CGNL1: variants seen among roughly 807,000 people sequenced by gnomAD.
CGNL1 encodes the protein cingulin like 1.
A neutral mutation model predicts 141.2 loss-of-function variants in CGNL1; 132 were observed. The observed-to-expected ratio is 0.93, with a 90% confidence interval of 0.81 to 1.08. CGNL1 has a LOEUF of 1.08. Ranked by LOEUF, CGNL1 falls within the 50% of genes least tolerant of loss-of-function variation. The pLI is 0.00. For synonymous variants in CGNL1, 690 were observed against 622.1 expected (o/e 1.11, Z -1.63); for missense variants, 1,870 against 1,588.6 (o/e 1.18, Z -3.01).
chr15:57,503,421 G>C (rs2064055403), intron 8 of CGNL1, among the ~76,000 whole-genome samples: 1 of 152,206 alleles, frequency 6.6e-6, no homozygotes, highest in African/African-American at 2.4e-5. Context: ...AGGTGACCTG[G>C]CTAGGGGTGG....
chr15:57,483,756 AT>A (rs1176144153), intron 8 of CGNL1, among the ~76,000 whole-genome samples: 1 of 152,136 alleles, frequency 6.6e-6, no homozygotes, highest in Non-Finnish European at 1.5e-5. Flanking sequence ...TCTTTTGTGA[AT>A]TGGATGCTCT....
At chr15:57,397,509 T>A (rs766128305) in intron 1 of CGNL1, among the ~76,000 whole-genome samples, 1 of 152,146 alleles carries the variant, frequency 6.6e-6, no homozygotes, top group Non-Finnish European at 1.5e-5. Flanking sequence ...TTGATGTACA[T>A]TTTGTAAATT....
intron 1 of CGNL1, among the ~76,000 whole-genome samples, chr15:57,389,749 C>A (rs907643637): frequency 6.6e-6 from 1 of 152,168 alleles, no homozygotes; most frequent in Non-Finnish European, 1.5e-5. Flanking sequence ...TTTGCTCTTA[C>A]AATGGTTGTA....
intron 8 of CGNL1, among the ~76,000 whole-genome samples, chr15:57,513,496 A>G (rs1196389260): frequency 1.3e-5 from 2 of 152,078 alleles, no homozygotes; most frequent in Admixed American, 6.6e-5. Context: ...ATAAACATTC[A>G]TGTACAAGTT....
At chr15:57,403,332 T>C (rs952335928) in intron 1 of CGNL1, among the ~76,000 whole-genome samples, 7 of 152,188 alleles carry the variant, frequency 4.6e-5, no homozygotes, top group African/African-American at 1.7e-4. Flanking sequence ...GAAAATGATA[T>C]TGTTTTTGCA....
intron 1 of CGNL1, among the ~76,000 whole-genome samples, chr15:57,423,369 T>C (rs904348007): frequency 2.5e-4 from 38 of 152,272 alleles, no homozygotes; most frequent in Non-Finnish European, 4.0e-4. Context: ...AGAGAGGAAA[T>C]AAATGTAGCA....
At chr15:57,406,607 C>T (rs1490776670) in intron 1 of CGNL1, among the ~76,000 whole-genome samples, 2 of 152,096 alleles carry the variant, frequency 1.3e-5, no homozygotes, top group East Asian at 1.9e-4. Flanking sequence ...GTGACTAGAT[C>T]CTGAGATGGG....
chr15:57,458,317 C>A (rs1476072206), intron 7 of CGNL1, among the ~76,000 whole-genome samples: 2 of 152,000 alleles, frequency 1.3e-5, no homozygotes, highest in Admixed American at 1.3e-4. Flanking sequence ...ATAATTAAGC[C>A]CCGAGGTGAT....
intron 1 of CGNL1, among the ~76,000 whole-genome samples, chr15:57,385,838 G>C (rs1467220420): frequency 1.3e-5 from 2 of 152,240 alleles, no homozygotes; most frequent in African/African-American, 4.8e-5. Context: ...CAAGGCCAAG[G>C]ATGCTGCTAA....
chr15:57,503,314 C>T (rs2064053092), intron 8 of CGNL1, among the ~76,000 whole-genome samples: 1 of 152,212 alleles, frequency 6.6e-6, no homozygotes, highest in Non-Finnish European at 1.5e-5. Context: ...AATCACGAGT[C>T]ACCTGGGTTG....
chr15:57,455,971 C>T (rs2063374684), intron 7 of CGNL1, among the ~76,000 whole-genome samples: 1 of 152,208 alleles, frequency 6.6e-6, no homozygotes, highest in Admixed American at 6.5e-5. Flanking sequence ...TTACTGCTGC[C>T]TTTCTGCAAG....
At chr15:57,546,344 A>C in intron 18 of CGNL1, 105 bp downstream of exon 18, 45 of 1,340,384 alleles carry the variant, frequency 3.4e-5, no homozygotes, top group Non-Finnish European at 3.9e-5. Flanking sequence ...CCAGCTCCTC[A>C]TTGTTGCTTT....
At chr15:57,414,606 C>G (rs1826899588) in intron 1 of CGNL1, among the ~76,000 whole-genome samples, 1 of 151,998 alleles carries the variant, frequency 6.6e-6, no homozygotes, top group African/African-American at 2.4e-5. Flanking sequence ...GTGGTGTTTG[C>G]CAATTATCTC....
intron 17 of CGNL1, among the ~76,000 whole-genome samples, 181 bp from the exon 18 acceptor site, chr15:57,545,895 C>T (rs2032837116): frequency 6.6e-6 from 1 of 152,214 alleles, no homozygotes; most frequent in Non-Finnish European, 1.5e-5. Flanking sequence ...ATTCTACACC[C>T]TGAGTTTGGC....
intron 8 of CGNL1, among the ~76,000 whole-genome samples, 182 bp downstream of exon 8, chr15:57,462,074 A>G (rs1444088006): frequency 2.0e-5 from 3 of 152,186 alleles, no homozygotes; most frequent in Non-Finnish European, 4.4e-5. Flanking sequence ...TGACCTTTTA[A>G]AGTCTATAAA....
chr15:57,523,504 A>C lies in CGNL1; in HGVS notation c.2731A>C (p.Thr911Pro), dbSNP rs1279801329. ...LEAAQGNLSQ[T>P]TQEQKQLSEK... is the part of the protein sequence containing the mutation. Reference sequence around the variant, plus strand: ...CCATTTGCAGGGAAATCTGAGTCAGACTACCCAGGAGCAGAAGCAGTTGTC... The same window carrying C: ...CCATTTGCAGGGAAATCTGAGTCAGCCTACCCAGGAGCAGAAGCAGTTGTC... Residue 911 changes from threonine to proline, a missense_variant, in exon 11 of 19, where the codon ACT (threonine) becomes CCT (proline). By Grantham distance (38) the Thr-to-Pro change is conservative. Coordinates refer to ENST00000281282, the MANE Select transcript of CGNL1 (RefSeq NM_032866.5). 1 of 1,614,168 alleles carries C rather than the reference A, an allele frequency of 6.2e-7. No individual in the cohort carries two copies. The highest frequency in any genetic ancestry group is 1.7e-5 in the Admixed American group (1 of 60,028).
At position 57,442,434 on chromosome 15, in the gene CGNL1, A is replaced by G; in HGVS notation, c.1759A>G (p.Thr587Ala). The change falls in exon 4 of 19, where the codon ACC (threonine) becomes GCC (alanine). Residue 587 changes from threonine (T) to alanine (A), a missense_variant. Physicochemically the swap from Thr to Ala is moderately conservative, Grantham distance 58. Transcript: ENST00000281282. ...CAACTTGGTCTTTGAGAAAATCCAG[A>G]CCTTAAAGTCTCGAGCAGCTGGGAG... is the stretch of plus-strand genomic sequence containing the variant. ...KVNLVFEKIQ[T>A]LKSRAAGSAQ... 6.2e-7 allele frequency: 1 copy of G among 1,613,782 alleles called. No individual in the cohort carries two copies. The highest frequency in any genetic ancestry group is 8.5e-7 in the Non-Finnish European group (1 of 1,179,768).
chr15:57,414,930 G>C (rs937699232), intron 1 of CGNL1, among the ~76,000 whole-genome samples: 8 of 152,180 alleles, frequency 5.3e-5, no homozygotes, highest in African/African-American at 1.9e-4. Flanking sequence ...GGGGGTGAGA[G>C]AGAATGGGCA....
At position 57,523,937 on chromosome 15, in the gene CGNL1, C is replaced by T. The variant is rs543971512; in HGVS notation, c.2868+296C>T. Among the ~76,000 whole-genome samples the T allele has an allele frequency of 3.9e-5, 6 of 152,274 alleles. No homozygotes were observed. In the East Asian group the frequency reaches 1.2e-3, roughly 29 times the overall value. Reference sequence around the variant, plus strand: ...GAACCAATGTTGAGTGAATCAGAATCGACATCTCTGTGCAGAGTCTCTACC... The same window carrying T: ...GAACCAATGTTGAGTGAATCAGAATTGACATCTCTGTGCAGAGTCTCTACC... On this transcript the variant is annotated intron_variant, in intron 11 of 18. Transcript: ENST00000281282.
Sources: gnomAD v4.1 joint callset for allele counts (sites outside exome capture counted in the v4.1 genomes callset) on GRCh38, gnomAD v4.1.1 for gene constraint, MANE v1.5 for transcripts, NCBI Gene and HGNC (gene_info 2026-07-23, HGNC 2026-07-21) for gene names.